The following POLR3B variants were observed in gnomAD, a reference collection of about 807,000 sequenced individuals.
POLR3B encodes RNA polymerase III subunit B, also known as DNA-directed RNA polymerase III subunit RPC2.
A neutral mutation model predicts 147.4 loss-of-function variants in POLR3B; 96 were observed. The ratio of observed to expected loss-of-function variants is 0.65; its 90% confidence interval spans 0.55 to 0.77. The LOEUF is 0.77. Among genes scored for constraint, POLR3B ranks in the 30% least tolerant of loss-of-function variants. The probability of loss-of-function intolerance (pLI) is 0.00; values close to 1 mark genes in which losing one functional copy is unlikely to be tolerated. For synonymous variants in POLR3B, 461 were observed against 485.9 expected (o/e 0.95, Z 0.67); for missense variants, 1,036 against 1,413.5 (o/e 0.73, Z 4.28).
chr12:106,485,183 G>A (rs551374704), intron 23 of POLR3B, among the ~76,000 whole-genome samples: 16 of 152,256 alleles, frequency 1.1e-4, no homozygotes, highest in Admixed American at 9.8e-4. Context: ...GGATCATCCC[G>A]TGGCAGACAG....
At position 106,370,849 on chromosome 12, in the gene POLR3B, C is replaced by G. The variant is rs189034130; in HGVS notation, c.404+1166C>G. On this transcript the variant is annotated intron_variant, in intron 6 of 27. Coordinates refer to ENST00000228347, the MANE Select transcript of POLR3B (RefSeq NM_018082.6). The stretch of plus-strand genomic sequence containing the variant: ...GTTTTGCCATGTTGGTCAGGCTAGT[C>G]TTGAACTCCTGACCTCAGGTGATCC... Among the ~76,000 whole-genome samples the G allele has an allele frequency of 2.9e-3, 435 of 152,164 alleles. 2 individuals are homozygous for G. Among genetic ancestry groups the G allele is most frequent in the African/African-American group, 9.9e-3 (412 of 41,526 alleles).
intron 23 of POLR3B, among the ~76,000 whole-genome samples, chr12:106,480,795 A>G (rs574100767): frequency 7.9e-5 from 12 of 151,686 alleles, no homozygotes; most frequent in Admixed American, 2.6e-4. Context: ...TAAAGTTCCA[A>G]CCCTTGCGGG....
chr12:106,398,153 C>T (rs531147180), intron 10 of POLR3B, among the ~76,000 whole-genome samples: 43 of 152,328 alleles, frequency 2.8e-4, no homozygotes, highest in African/African-American at 8.4e-4. Context: ...ACTTTCCCAA[C>T]GGGCTTAAGA....
chr12:106,446,530 A>G (rs2137019359), intron 19 of POLR3B, among the ~76,000 whole-genome samples: 1 of 152,068 alleles, frequency 6.6e-6, no homozygotes, highest in East Asian at 1.9e-4. Context: ...ACAGAAAGCC[A>G]GTTCAGTGTC....
At chr12:106,463,386 T>A (rs1592755503) in intron 22 of POLR3B, 92 bp from the exon 23 acceptor site, 1 of 1,119,518 alleles carries the variant, frequency 8.9e-7, no homozygotes, top group East Asian at 2.4e-5. Flanking sequence ...CAGAATACTC[T>A]ATGGTAGGCA....
chr12:106,400,598 A>G (rs1037998254), intron 10 of POLR3B, among the ~76,000 whole-genome samples: 1 of 152,232 alleles, frequency 6.6e-6, no homozygotes, highest in African/African-American at 2.4e-5. Flanking sequence ...CAGCAAATGT[A>G]AAAGAACAGA....
chr12:106,364,837 G>A (rs146725638), intron 2 of POLR3B, among the ~76,000 whole-genome samples: 3,216 of 152,284 alleles, frequency 0.021, 52 homozygotes, highest in African/African-American at 0.035. Context: ...GTGAAAGAAT[G>A]GAGACTTGAA....
Position 106,466,790 on chromosome 12 carries a change from T to G in POLR3B, c.2713+3170T>G, listed in dbSNP as rs531741044. On this transcript the variant is annotated intron_variant, in intron 23 of 27. Transcript: ENST00000228347. ...TGTGTGGTGTTATTTCTGAGGCCTC[T>G]GTTCTGTTCCATTGGTCTATATATC... Among the ~76,000 whole-genome samples the G allele has an allele frequency of 2.2e-4, 34 of 152,270 alleles. No individual in the cohort carries two copies. The South Asian group carries it at 6.6e-3, about 30-fold the overall frequency.
chr12:106,468,158 A>G (rs537728621), intron 23 of POLR3B, among the ~76,000 whole-genome samples: 4 of 152,154 alleles, frequency 2.6e-5, no homozygotes, highest in Non-Finnish European at 5.9e-5. Flanking sequence ...CAGAGATTCA[A>G]CTTCTTCCTG....
chr12:106,463,613 GC>G lies in POLR3B; in HGVS notation c.2707del (p.Gln903LysfsTer7), dbSNP rs2137036995. The G allele has an allele frequency of 6.2e-7, 1 of 1,612,160 alleles. No homozygotes were observed. Among genetic ancestry groups the G allele is most frequent in the Non-Finnish European group, 8.5e-7 (1 of 1,178,438 alleles). On this transcript the variant is annotated frameshift_variant, in exon 23 of 28. Transcript: ENST00000228347. LOFTEE classifies it high-confidence loss of function. ...IGDKFSSRHG[Q>X]KGVCGLIVPQ... ...GAGACAAATTCAGCAGTCGTCATGGGCAAAAAGGTAAACTGTATCATTTCTC... is the reference window on the plus strand; with the variant it reads ...GAGACAAATTCAGCAGTCGTCATGGGAAAAAGGTAAACTGTATCATTTCTC...
At chr12:106,497,647 A>G (rs185660961) in intron 25 of POLR3B, among the ~76,000 whole-genome samples, 71 of 152,348 alleles carry the variant, frequency 4.7e-4, no homozygotes, top group African/African-American at 1.6e-3. Context: ...AAGGCCTAAC[A>G]TTTGTGCATG....
chr12:106,395,734 C>T (rs1049721191), intron 10 of POLR3B, among the ~76,000 whole-genome samples: 46 of 151,942 alleles, frequency 3.0e-4, no homozygotes, highest in Non-Finnish European at 1.6e-4. Flanking sequence ...ATCCAGAGGC[C>T]GAGGTGGGTG....
intron 23 of POLR3B, among the ~76,000 whole-genome samples, chr12:106,486,340 G>A (rs993693444): frequency 6.6e-6 from 1 of 151,320 alleles, no homozygotes; most frequent in Admixed American, 6.6e-5. Context: ...AGGTTCAGGG[G>A]AGGTGAGTAG....
At chr12:106,414,206 G>A (rs11112980) in intron 12 of POLR3B, among the ~76,000 whole-genome samples, 48,444 of 129,282 alleles carry the variant, frequency 0.37, 10,982 homozygotes, top group African/African-American at 0.67. Context: ...CCATGTTCAG[G>A]ATGGGATACA....
chr12:106,461,409 A>G (rs1023127916), intron 22 of POLR3B, among the ~76,000 whole-genome samples: 4 of 152,128 alleles, frequency 2.6e-5, no homozygotes, highest in African/African-American at 9.7e-5. Flanking sequence ...CTTTTTGAGC[A>G]CTAACAGTAT....
intron 15 of POLR3B, among the ~76,000 whole-genome samples, chr12:106,432,770 A>G (rs1271084626): frequency 6.6e-6 from 1 of 152,194 alleles, no homozygotes; most frequent in Non-Finnish European, 1.5e-5. Flanking sequence ...ACGGTTCAAC[A>G]TGGTATCTTT....
Position 106,427,434 on chromosome 12 carries a change from C to CT in POLR3B, c.1263+79dup, listed in dbSNP as rs1298123510. On this transcript the variant is annotated intron_variant, in intron 13 of 27. Coordinates refer to ENST00000228347, the MANE Select transcript of POLR3B (RefSeq NM_018082.6). ...TTCAATAGAACAGAAACTTAAAGCA[C>CT]TTTGAGAATCCAGGTGAAATATATA... is the stretch of plus-strand genomic sequence containing the variant. 6 of 1,276,936 alleles carry CT rather than the reference C, an allele frequency of 4.7e-6. No homozygotes were observed. In the East Asian group the frequency reaches 1.4e-4, roughly 30 times the overall value. 79.1% of individuals were successfully genotyped at this position (1,276,936 alleles called of 1,614,324 possible).
intron 23 of POLR3B, among the ~76,000 whole-genome samples, chr12:106,483,214 T>C (rs1357868715): frequency 1.3e-5 from 2 of 152,194 alleles, no homozygotes; most frequent in African/African-American, 4.8e-5. Context: ...TCATATCTCA[T>C]TGAAGAAAAA....
chr12:106,436,580 C>T (rs187946794), intron 16 of POLR3B, among the ~76,000 whole-genome samples: 29 of 152,292 alleles, frequency 1.9e-4, no homozygotes, highest in African/African-American at 6.0e-4. Context: ...CACAACACAA[C>T]GCCGTTATTA....
Sources: allele counts gnomAD v4.1 joint callset (sites outside exome capture counted in the v4.1 genomes callset), GRCh38; gene constraint gnomAD v4.1.1; transcripts MANE v1.5; gene names NCBI Gene and HGNC (gene_info 2026-07-23, HGNC 2026-07-21).